FAM120AOS: variants seen among roughly 807,000 people sequenced by gnomAD.
FAM120AOS encodes the protein uncharacterized protein FAM120AOS.
FAM120AOS carries 15 observed loss-of-function variants against 20.2 expected under a neutral mutation model. The observed-to-expected ratio is 0.74, with a 90% CI of 0.50 to 1.15. FAM120AOS has a LOEUF of 1.15. FAM120AOS is among the 50% of genes most tolerant of loss of function. The pLI, the probability that FAM120AOS is intolerant of heterozygous loss-of-function variation, is 0.00. For synonymous variants in FAM120AOS, 154 were observed against 154.0 expected (o/e 1.00, Z 0.00); for missense variants, 327 against 351.9 (o/e 0.93, Z 0.57).
At position 93,450,427 on chromosome 9, in the gene FAM120AOS, G is replaced by A. The variant is rs547510368; in HGVS notation, c.684+52C>T. 2.6e-5 allele frequency: 40 copies of A among 1,527,072 alleles called. No homozygotes were observed. The South Asian group carries it at 4.6e-4, about 17-fold the overall frequency. 94.6% of individuals were successfully genotyped at this position (1,527,072 alleles called of 1,614,324 possible). ...ATTTAATTTATGTACGTATGATACT[G>A]GCTTGCATTTGAGGTGGGTATCAGA... On this transcript the variant is annotated intron_variant, in intron 2 of 2. Coordinates refer to ENST00000375412, the MANE Select transcript of FAM120AOS (RefSeq NM_198841.4).
In FAM120AOS at chr9:93,453,020, T is replaced by C. The variant is rs1316714035; in HGVS notation, c.-311A>G. The C allele has an allele frequency of 3.3e-5, 39 of 1,184,498 alleles. 1 individual carries two copies. Among genetic ancestry groups the C allele is most frequent in the African/African-American group, 4.9e-5 (3 of 61,276 alleles). 73.4% of individuals were successfully genotyped at this position (1,184,498 alleles called of 1,614,324 possible). ...GTGTTTAGAGAATCTTTCTATGGCT[T>C]TTTGTGTTAGATTTCAAAGACCCGT... On this transcript the variant is annotated 5_prime_UTR_variant, in exon 1 of 3. Coordinates refer to ENST00000375412, the MANE Select transcript of FAM120AOS (RefSeq NM_198841.4).
intron 1 of FAM120AOS, 125 bp from the exon 2 acceptor site, chr9:93,450,724 CA>C: frequency 7.0e-7 from 1 of 1,429,606 alleles, no homozygotes. Flanking sequence ...ATGTTTTATG[CA>C]AGCCTAATAT....
At position 93,452,140 on chromosome 9, in the gene FAM120AOS, T is replaced by G. The variant is rs768464979; in HGVS notation, c.563+7A>C. 1.2e-6 allele frequency: 2 copies of G among 1,611,738 alleles called. No individual in the cohort carries two copies. The highest frequency in any genetic ancestry group is 2.2e-5 in the South Asian group (2 of 91,020). On this transcript the variant is annotated splice_region_variant and intron_variant, in intron 1 of 2. Coordinates refer to ENST00000375412, the MANE Select transcript of FAM120AOS (RefSeq NM_198841.4). The surrounding 1 kb of genome is among the most constrained non-coding windows in gnomAD (Gnocchi z 7.0). Reference sequence around the variant, plus strand: ...GCGGCGGCCAGTGGAACCACATGCTTGGCTACCTGGCGGCGCTGGCCAAGG... The same window carrying G: ...GCGGCGGCCAGTGGAACCACATGCTGGGCTACCTGGCGGCGCTGGCCAAGG...
At position 93,450,045 on chromosome 9, in the gene FAM120AOS, G is replaced by A. The variant is rs528845160; in HGVS notation, c.684+434C>T. ...TTTTGCCCAGGCTAGAGAGTGCAGT[G>A]GTGCCATCTCCGCTGACTGCAACCT... On this transcript the variant is annotated intron_variant, in intron 2 of 2. Transcript: ENST00000375412. 2.3e-3 allele frequency among the ~76,000 whole-genome samples: 353 copies of A among 151,982 alleles called. 1 individual carries two copies. The highest frequency in any genetic ancestry group is 8.3e-3 in the African/African-American group (343 of 41,414).
At position 93,447,575 on chromosome 9, in the gene FAM120AOS, C is replaced by T. The variant is rs1856896659; in HGVS notation, c.*36G>A. The T allele has an allele frequency of 6.3e-7, 1 of 1,589,764 alleles. No homozygotes were observed. Among genetic ancestry groups the T allele is most frequent in the African/African-American group, 1.3e-5 (1 of 74,348 alleles). On this transcript the variant is annotated 3_prime_UTR_variant, in exon 3 of 3. Transcript: ENST00000375412. ...GATGGGTATCAGGGTGGTTTCTTGT[C>T]CTTTCAATGCCTCTGCAGAACTTGA... is the stretch of plus-strand genomic sequence containing the variant.
intron 1 of FAM120AOS, chr9:93,450,967 T>G: frequency 2.1e-6 from 3 of 1,455,960 alleles, no homozygotes; most frequent in Admixed American, 3.9e-5. Context: ...GACAGTCTCT[T>G]CCGTGACGAG....
Position 93,450,720 on chromosome 9 carries a change from T to A in FAM120AOS, c.564-121A>T, listed in dbSNP as rs780265385. 4 of 1,443,526 alleles carry A rather than the reference T, an allele frequency of 2.8e-6. No homozygotes were observed. In the South Asian group the frequency reaches 4.9e-5, roughly 18 times the overall value. The allele number at this position is 1,443,526 out of a possible 1,614,324, so 89.4% of individuals were successfully genotyped here. ...CATTAATCTCTTTTTGAAAATGTTTTATGCAAGCCTAATATACATACAGTA... is the reference window on the plus strand; with the variant it reads ...CATTAATCTCTTTTTGAAAATGTTTAATGCAAGCCTAATATACATACAGTA... On this transcript the variant is annotated intron_variant, in intron 1 of 2. Transcript: ENST00000375412.
chr9:93,451,115 C>T (rs1445263938), intron 1 of FAM120AOS: 5 of 1,550,498 alleles, frequency 3.2e-6, no homozygotes, highest in African/African-American at 1.4e-5. Context: ...TCTCGCGCTC[C>T]TTCCTGCTCT....
rs1856867590 is a variant in FAM120AOS, at chr9:93,446,984, A to G, written c.*627T>C. On this transcript the variant is annotated 3_prime_UTR_variant, in exon 3 of 3. Transcript: ENST00000375412. ...GGTGTTCTGCTGGTGCTTATGAAGC[A>G]GTATCCCTACTGACAATGACCCTAG... 2 of 152,468 alleles carry G rather than the reference A, an allele frequency of 1.3e-5. No homozygotes were observed. The highest frequency in any genetic ancestry group is 4.1e-4 in the South Asian group (2 of 4,834). The allele number at this position is 152,468 out of a possible 1,614,324, so 9.4% of individuals were successfully genotyped here.
chr9:93,452,189 C>T lies in FAM120AOS; in HGVS notation c.521G>A (p.Ser174Asn). The T allele has an allele frequency of 1.9e-6, 3 of 1,611,936 alleles. No individual in the cohort carries two copies. The highest frequency in any genetic ancestry group is 2.5e-6 in the Non-Finnish European group (3 of 1,179,774). Residue 174 changes from serine to asparagine, a missense_variant, in exon 1 of 3, where the codon AGC (serine) becomes AAC (asparagine). Physicochemically the swap from Ser to Asn is conservative, Grantham distance 46 (BLOSUM62 1). Coordinates refer to ENST00000375412, the MANE Select transcript of FAM120AOS (RefSeq NM_198841.4). The surrounding 1 kb of genome is among the most constrained non-coding windows in gnomAD (Gnocchi z 7.0). Reference sequence around the variant, plus strand: ...GGCCTGCTTCGGCGGCAACATCGAGCTCTTCGTCTTCTTCAACGGCGCGCT... The same window carrying T: ...GGCCTGCTTCGGCGGCAACATCGAGTTCTTCGTCTTCTTCAACGGCGCGCT... ...FSSAPLKKTKSSMLPPKQALA... is the reference protein window; with the variant it reads ...FSSAPLKKTKNSMLPPKQALA...
chr9:93,450,274 C>A (rs1857067597), intron 2 of FAM120AOS, among the ~76,000 whole-genome samples: 1 of 152,204 alleles, frequency 6.6e-6, no homozygotes, highest in South Asian at 2.1e-4. Flanking sequence ...CAGGCGTGAG[C>A]CACCGCACCT....
Position 93,451,840 on chromosome 9 carries a change from C to T in FAM120AOS, c.563+307G>A. 3 of 966,100 alleles carry T rather than the reference C, an allele frequency of 3.1e-6. No homozygotes were observed. In the South Asian group the frequency reaches 1.4e-4, roughly 45 times the overall value. The allele number at this position is 966,100 out of a possible 1,614,324, so 59.8% of individuals were successfully genotyped here. A position where few individuals can be genotyped will look rare whatever the true frequency, so the allele number is the denominator to read the frequency against. On this transcript the variant is annotated intron_variant, in intron 1 of 2. Coordinates refer to ENST00000375412, the MANE Select transcript of FAM120AOS (RefSeq NM_198841.4). ...GCCGCCGCCCCCGCCCGCCAGCCCG[C>T]CCGCGCGCCACGGCCCCACCACCCC...
At chr9:93,450,851 C>T (rs1056333231) in intron 1 of FAM120AOS, 125 of 906,374 alleles carry the variant, frequency 1.4e-4, no homozygotes, top group Middle Eastern at 3.0e-4. Context: ...AAATCCCTCT[C>T]CCTCAGAAGA....
In FAM120AOS at chr9:93,447,549, C is replaced by G; in HGVS notation, c.*62G>C. On this transcript the variant is annotated 3_prime_UTR_variant, in exon 3 of 3. Transcript: ENST00000375412. ...GGTGAATAGAGCATTTTCCCTCACA[C>G]GATGGGTATCAGGGTGGTTTCTTGT... The G allele has an allele frequency of 7.1e-7, 1 of 1,405,330 alleles. No individual in the cohort carries two copies. Among genetic ancestry groups the G allele is most frequent in the Non-Finnish European group, 1.0e-6 (1 of 997,576 alleles). The allele number at this position is 1,405,330 out of a possible 1,614,324, so 87.1% of individuals were successfully genotyped here.
intron 1 of FAM120AOS, chr9:93,451,038 C>G (rs1857140511): frequency 1.9e-6 from 3 of 1,550,280 alleles, no homozygotes; most frequent in South Asian, 2.4e-5. Context: ...TGTCATTTGT[C>G]ATAGGTGTAA....
rs556406629 is a variant in FAM120AOS at position 93,444,252 on chromosome 9, C to T, written c.*3359G>A. Among the ~76,000 whole-genome samples, 8 of 152,184 alleles carry T rather than the reference C, an allele frequency of 5.3e-5. No homozygotes were observed. In the East Asian group the frequency reaches 1.4e-3, roughly 26 times the overall value. ...ACAGGGTTTCTCCATGTTGGTCAGG[C>T]TGGTCTTGAACTCCTGACTTCAGGT... is the stretch of plus-strand genomic sequence containing the variant. On this transcript the variant is annotated 3_prime_UTR_variant, in exon 3 of 3. Coordinates refer to ENST00000375412, the MANE Select transcript of FAM120AOS (RefSeq NM_198841.4).
At position 93,450,214 on chromosome 9, in the gene FAM120AOS, C is replaced by G. The variant is rs555743726; in HGVS notation, c.684+265G>C. Among the ~76,000 whole-genome samples, 4 of 152,198 alleles carry G rather than the reference C, an allele frequency of 2.6e-5. No homozygotes were observed. The East Asian group carries it at 5.8e-4, about 22-fold the overall frequency. On this transcript the variant is annotated intron_variant, in intron 2 of 2. Transcript: ENST00000375412. ...ATGTTGGCCAGGCTGGTCTCGAACT[C>G]CTGATCTCAAATGATTCACCCGCCT...
rs1856779108 is a variant in FAM120AOS at position 93,444,240 on chromosome 9, A to ATGTTGGTCAGG, written c.*3360_*3370dup. ...TTTTTAGTAGAGACAGGGTTTCTCC[A>ATGTTGGTCAGG]TGTTGGTCAGGCTGGTCTTGAACTC... On this transcript the variant is annotated 3_prime_UTR_variant, in exon 3 of 3. Coordinates refer to ENST00000375412, the MANE Select transcript of FAM120AOS (RefSeq NM_198841.4). Among the ~76,000 whole-genome samples, 1 of 152,018 alleles carries ATGTTGGTCAGG rather than the reference A, an allele frequency of 6.6e-6. No homozygotes were observed. Among genetic ancestry groups the ATGTTGGTCAGG allele is most frequent in the African/African-American group, 2.4e-5 (1 of 41,384 alleles).
In FAM120AOS at chr9:93,445,464, G is replaced by C. The variant is rs1004237823; in HGVS notation, c.*2147C>G. 6.6e-6 allele frequency among the ~76,000 whole-genome samples: 1 copy of C among 151,828 alleles called. No individual in the cohort carries two copies. Among genetic ancestry groups the C allele is most frequent in the African/African-American group, 2.4e-5 (1 of 41,316 alleles). On this transcript the variant is annotated 3_prime_UTR_variant, in exon 3 of 3. Coordinates refer to ENST00000375412, the MANE Select transcript of FAM120AOS (RefSeq NM_198841.4). ...TTTGAATCTTGAGCAAATGACTACAGTAAGAGTGGGGTTCATTCATGTCAT... is the reference window on the plus strand; with the variant it reads ...TTTGAATCTTGAGCAAATGACTACACTAAGAGTGGGGTTCATTCATGTCAT...
Sources: gnomAD v4.1 joint callset for allele counts (sites outside exome capture counted in the v4.1 genomes callset) on GRCh38, gnomAD v4.1.1 for gene constraint, Gnocchi (gnomAD v3.1) non-coding constraint, MANE v1.5 for transcripts, NCBI Gene and HGNC (gene_info 2026-07-23, HGNC 2026-07-21) for gene names.